Variants in ZNF831 observed in about 807,000 individuals in gnomAD.
The protein encoded by ZNF831 is zinc finger protein 831, also known as chromosome 20 open reading frame 174.
Under a neutral mutation model 95.8 loss-of-function variants are expected in ZNF831, and 59 were observed. The ratio of observed to expected loss-of-function variants is 0.62; its 90% CI spans 0.50 to 0.77. The LOEUF is 0.77. Ranked by LOEUF, ZNF831 falls within the 30% of genes least tolerant of loss-of-function variation. The pLI is 0.00. For synonymous variants in ZNF831, 961 were observed against 925.5 expected, an observed-to-expected ratio of 1.04 and a Z score of -0.70; for missense variants, 2,205 against 2,164.0, an observed-to-expected ratio of 1.02 and a Z score of -0.38.
rs1983856646 is a variant in ZNF831, at chr20:59,194,031, C to G, written c.3012C>G (p.Ile1004Met). ...CCTCCCCAGGTGAGGCGGACAGCATCCTGGAGGACCCCAGCTGTTCCAGGC... is the reference window on the plus strand; with the variant it reads ...CCTCCCCAGGTGAGGCGGACAGCATGCTGGAGGACCCCAGCTGTTCCAGGC... ...SGPSPGEADS[I>M]LEDPSCSRPQ... The change falls in exon 2 of 6, where the codon ATC (isoleucine) becomes ATG (methionine). Residue 1004 changes from isoleucine to methionine, a missense_variant. Physicochemically the swap from Ile to Met is conservative, Grantham distance 10. Transcript: ENST00000371030. 6.5e-7 allele frequency: 1 copy of G among 1,527,072 alleles called. No individual in the cohort carries two copies. Among genetic ancestry groups the G allele is most frequent in the Non-Finnish European group, 8.8e-7 (1 of 1,139,336 alleles). 94.6% of individuals were successfully genotyped at this position (1,527,072 alleles called of 1,614,324 possible).
chr20:59,210,795 T>C (rs1985247924), intron 4 of ZNF831, among the ~76,000 whole-genome samples: 1 of 152,232 alleles, frequency 6.6e-6, no homozygotes, highest in Non-Finnish European at 1.5e-5. Flanking sequence ...CATTGCTTTC[T>C]TCACACCTAA....
chr20:59,127,057 G>A (rs1979195700), intron 1 of ZNF831, among the ~76,000 whole-genome samples: 1 of 152,026 alleles, frequency 6.6e-6, no homozygotes, highest in South Asian at 2.1e-4. Flanking sequence ...GTCTGAAGGG[G>A]TTCATCCCAG....
chr20:59,153,774 A>G (rs1191692884), intron 2 of ZNF831, among the ~76,000 whole-genome samples: 1 of 152,196 alleles, frequency 6.6e-6, no homozygotes, highest in African/African-American at 2.4e-5. Context: ...GCCACAAGCA[A>G]TTTTTGCTCT....
chr20:59,154,277 C>T (rs556664537), intron 2 of ZNF831, among the ~76,000 whole-genome samples: 22 of 152,228 alleles, frequency 1.4e-4, no homozygotes, highest in African/African-American at 5.3e-4. Flanking sequence ...AAGTGCTTCT[C>T]CAAGAATGCA....
At position 59,191,986 on chromosome 20, in the gene ZNF831, G is replaced by A. The variant is rs564350771; in HGVS notation, c.967G>A (p.Ala323Thr). Residue 323 changes from alanine (A) to threonine (T), a missense_variant, in exon 2 of 6, where the codon GCG becomes ACG. Physicochemically the swap from Ala to Thr is moderately conservative, Grantham distance 58 (BLOSUM62 0). Coordinates refer to ENST00000371030, the MANE Select transcript of ZNF831 (RefSeq NM_178457.3). ...CALQRQQATAAEKPWDAKAPE... is the reference protein window; with the variant it reads ...CALQRQQATATEKPWDAKAPE... ...CCTGCAGCGGCAGCAGGCGACGGCA[G>A]CGGAGAAGCCCTGGGATGCCAAGGC... The A allele has an allele frequency of 9.3e-6, 15 of 1,607,604 alleles. No individual in the cohort carries two copies. In the African/African-American group the frequency reaches 2.0e-4, roughly 21 times the overall value.
chr20:59,178,656 T>C (rs1982359551), intron 1 of ZNF831, among the ~76,000 whole-genome samples: 2 of 152,190 alleles, frequency 1.3e-5, no homozygotes, highest in Non-Finnish European at 2.9e-5. Flanking sequence ...AAGAAAATAT[T>C]CCTTTACTTT....
At chr20:59,215,215 T>G (rs1985597316) in intron 4 of ZNF831, among the ~76,000 whole-genome samples, 1 of 152,200 alleles carries the variant, frequency 6.6e-6, no homozygotes, top group Admixed American at 6.5e-5. Context: ...TGGTTGAGGT[T>G]AATTATTTGG....
intron 1 of ZNF831, among the ~76,000 whole-genome samples, chr20:59,140,419 C>A (rs1979642329): frequency 6.6e-6 from 1 of 152,184 alleles, no homozygotes; most frequent in South Asian, 2.1e-4. Context: ...GCCCTCCACC[C>A]CATGGGAACA....
intron 3 of ZNF831, among the ~76,000 whole-genome samples, chr20:59,205,081 C>T (rs1451864880): frequency 3.3e-5 from 5 of 152,120 alleles, no homozygotes; most frequent in Admixed American, 2.0e-4. Context: ...GAAAGACCCC[C>T]GCTTGCTAAT....
chr20:59,150,580 G>T (rs141935226), intron 2 of ZNF831, among the ~76,000 whole-genome samples: 1 of 152,154 alleles, frequency 6.6e-6, no homozygotes, highest in Admixed American at 6.5e-5. Flanking sequence ...GGGACCCACC[G>T]TATGAGACTC....
At chr20:59,126,040 G>A (rs1302181699) in intron 1 of ZNF831, among the ~76,000 whole-genome samples, 1 of 152,148 alleles carries the variant, frequency 6.6e-6, no homozygotes, top group Non-Finnish European at 1.5e-5. Context: ...GAGTTATTGA[G>A]TGTCCCTTAT....
intron 4 of ZNF831, among the ~76,000 whole-genome samples, chr20:59,249,731 A>G (rs762380220): frequency 1.4e-4 from 21 of 152,248 alleles, no homozygotes; most frequent in Admixed American, 2.6e-4. Context: ...GCTCAGGATT[A>G]GCACACTTGG....
chr20:59,252,706 A>G (rs1045257725), intron 4 of ZNF831, among the ~76,000 whole-genome samples: 1 of 152,248 alleles, frequency 6.6e-6, no homozygotes, highest in African/African-American at 2.4e-5. Context: ...AAGAAGCAAC[A>G]TGAAATATAG....
At chr20:59,162,144 T>G (rs148966797), upstream of ZNF831, among the ~76,000 whole-genome samples, 986 of 152,320 alleles carry the variant, frequency 6.5e-3, 12 homozygotes, top group African/African-American at 0.023. Context: ...TTATAGATTC[T>G]GAATATTAGA....
intron 1 of ZNF831, among the ~76,000 whole-genome samples, chr20:59,145,717 C>T (rs1979823958): frequency 6.6e-6 from 1 of 152,192 alleles, no homozygotes. Context: ...GAGCAAGACC[C>T]TGGAGGAGAG....
chr20:59,236,870 TCCCC>T (rs1305844788), intron 4 of ZNF831, among the ~76,000 whole-genome samples: 1 of 152,182 alleles, frequency 6.6e-6, no homozygotes, highest in Non-Finnish European at 1.5e-5. Context: ...AAAAAGATTT[TCCCC>T]CCGTTTTTTT....
At chr20:59,253,859 T>TCA in intron 5 of ZNF831, 39 bp from the exon 6 acceptor site, 1 of 915,766 alleles carries the variant, frequency 1.1e-6, no homozygotes. Context: ...CCAATTAACC[T>TCA]CCCCCCCCAC....
chr20:59,220,603 G>A (rs1006439142), intron 4 of ZNF831, among the ~76,000 whole-genome samples: 1 of 152,124 alleles, frequency 6.6e-6, no homozygotes, highest in Admixed American at 6.5e-5. Context: ...TTTAACACTT[G>A]CCTAAACCCC....
chr20:59,153,868 T>C (rs956767967), intron 2 of ZNF831, among the ~76,000 whole-genome samples: 1 of 152,258 alleles, frequency 6.6e-6, no homozygotes, highest in Non-Finnish European at 1.5e-5. Flanking sequence ...AATTTTCATC[T>C]ACTCCTTCAA....
Sources: allele counts gnomAD v4.1 joint callset (sites outside exome capture counted in the v4.1 genomes callset), GRCh38; gene constraint gnomAD v4.1.1; transcripts MANE v1.5; gene names NCBI Gene and HGNC (gene_info 2026-07-23, HGNC 2026-07-21).